MAPRE2: variants seen among roughly 807,000 people sequenced by gnomAD.
MAPRE2 encodes the protein microtubule associated protein RP/EB family member 2.
In MAPRE2, 13 loss-of-function variants were observed where a neutral mutation model predicts 43.2. That is an observed-to-expected ratio of 0.30 (90% CI 0.20 to 0.48). The LOEUF (loss-of-function observed/expected upper bound fraction) is 0.48, where lower values mean the gene tolerates loss of function less well. MAPRE2 is among the 20% of genes least tolerant of loss of function. The probability of loss-of-function intolerance (pLI) is 0.99; values close to 1 mark genes in which losing one functional copy is unlikely to be tolerated. For missense variants in MAPRE2, 161 were observed against 400.2 expected, an observed-to-expected ratio of 0.40 and a Z score of 5.10; for synonymous variants, 135 against 148.8, an observed-to-expected ratio of 0.91 and a Z score of 0.68.
chr18:35,122,996 G>A (rs921535248), intron 4 of MAPRE2, among the ~76,000 whole-genome samples: 1 of 152,230 alleles, frequency 6.6e-6, no homozygotes, highest in Non-Finnish European at 1.5e-5. Context: ...AAGGGGGAGA[G>A]CATCAGTAAC....
At chr18:35,013,655 C>A (rs2150584067) in intron 2 of MAPRE2, among the ~76,000 whole-genome samples, 1 of 152,266 alleles carries the variant, frequency 6.6e-6, no homozygotes, top group East Asian at 1.9e-4. Flanking sequence ...TAACAAATCT[C>A]TCCCTATCCT....
intron 1 of MAPRE2, among the ~76,000 whole-genome samples, chr18:35,051,181 T>G (rs1905917951): frequency 6.6e-6 from 1 of 152,054 alleles, no homozygotes; most frequent in Non-Finnish European, 1.5e-5. Context: ...ACCCCATCTC[T>G]CTCCCTGTCT....
At chr18:35,127,349 C>G in intron 5 of MAPRE2, 1 of 396,492 alleles carries the variant, frequency 2.5e-6, no homozygotes, top group Non-Finnish European at 4.7e-6. Flanking sequence ...CTACCTTCCC[C>G]TCCCCTGCTC....
intron 2 of MAPRE2, among the ~76,000 whole-genome samples, chr18:35,093,287 G>A (rs372231267): frequency 3.5e-4 from 53 of 150,710 alleles, no homozygotes; most frequent in African/African-American, 1.3e-3. Flanking sequence ...CATGGATTTG[G>A]AGAAAGGAGA....
intron 1 of MAPRE2, among the ~76,000 whole-genome samples, chr18:34,985,843 G>A (rs1034888944): frequency 6.7e-6 from 1 of 148,494 alleles, no homozygotes; most frequent in African/African-American, 2.5e-5. Flanking sequence ...GAGAGGTAAA[G>A]TATCTTCCAG....
In MAPRE2 at chr18:35,140,698, CCT is replaced by C. The variant is rs377254659; in HGVS notation, c.*332_*333del. The C allele has an allele frequency of 6.0e-4, 182 of 302,666 alleles. No individual in the cohort carries two copies. The highest frequency in any genetic ancestry group is 3.4e-3 in the African/African-American group (162 of 47,608). The allele number at this position is 302,666 out of a possible 1,614,324, so 18.7% of individuals were successfully genotyped here. A position where few individuals can be genotyped will look rare whatever the true frequency, so the allele number is the denominator to read the frequency against. ...CCACCCCAACACCACTGCCACCACC[CCT>C]CTTTTTATCCTGGTGTGAAACAATG... On this transcript the variant is annotated 3_prime_UTR_variant, in exon 7 of 7. Coordinates refer to ENST00000300249, the MANE Select transcript of MAPRE2 (RefSeq NM_014268.4).
rs78057707 is a variant in MAPRE2, at chr18:35,105,762, TA to T, written c.610+3614del. On this transcript the variant is annotated intron_variant, in intron 4 of 6. Coordinates refer to ENST00000300249, the MANE Select transcript of MAPRE2 (RefSeq NM_014268.4). Reference sequence around the variant, plus strand: ...ATCAATAGAAAGTACAAACCTCAGTTAAAAAAAAAAACTTAAAACCTTACTA... The same window carrying T: ...ATCAATAGAAAGTACAAACCTCAGTTAAAAAAAAAACTTAAAACCTTACTA... Among the ~76,000 whole-genome samples the T allele has an allele frequency of 1.8e-3, 267 of 146,720 alleles. 1 individual carries two copies. Among genetic ancestry groups the T allele is most frequent in the African/African-American group, 5.8e-3 (234 of 40,246 alleles).
rs546235420 is a variant in MAPRE2, at chr18:35,139,230, G to C, written c.910-1065G>C. Among the ~76,000 whole-genome samples the C allele has an allele frequency of 9.2e-5, 14 of 152,320 alleles. No homozygotes were observed. The East Asian group carries it at 2.7e-3, about 29-fold the overall frequency. On this transcript the variant is annotated intron_variant, in intron 6 of 6. Coordinates refer to ENST00000300249, the MANE Select transcript of MAPRE2 (RefSeq NM_014268.4). ...GACAGGGAAGGGCTTGGGCAGTTCA[G>C]TGCTCGGGAGCCAGCGTGCCAGGTG...
intron 2 of MAPRE2, among the ~76,000 whole-genome samples, chr18:35,019,670 A>C (rs141289495): frequency 2.0e-5 from 3 of 152,134 alleles, no homozygotes; most frequent in Admixed American, 6.6e-5. Context: ...TGTAGAGTTG[A>C]CCATTATTTA....
At chr18:35,017,248 T>G (rs2097038971) in intron 2 of MAPRE2, among the ~76,000 whole-genome samples, 2 of 30,386 alleles carry the variant, frequency 6.6e-5, no homozygotes, top group East Asian at 2.2e-3. Flanking sequence ...TTTGTTGTTT[T>G]TTTTTTTTTT....
At position 35,032,857 on chromosome 18, in the gene MAPRE2, AT is replaced by A. The variant is rs1313233696; in HGVS notation, c.-8+27305del. On this transcript the variant is annotated intron_variant, in intron 2 of 7. Transcript: ENST00000413393. Reference sequence around the variant, plus strand: ...ACCTCAAGAGGGGCCTGAAAGTAGGATCAATTCATCTGATGCCTAACAGTTG... The same window carrying A: ...ACCTCAAGAGGGGCCTGAAAGTAGGACAATTCATCTGATGCCTAACAGTTG... Among the ~76,000 whole-genome samples the A allele has an allele frequency of 2.6e-4, 39 of 152,170 alleles. 1 individual carries two copies. The highest frequency in any genetic ancestry group is 8.9e-4 in the African/African-American group (37 of 41,514).
At chr18:34,982,231 T>G (rs963633304) in intron 1 of MAPRE2, among the ~76,000 whole-genome samples, 177 of 152,290 alleles carry the variant, frequency 1.2e-3, no homozygotes, top group Non-Finnish European at 3.5e-4. Context: ...ACCCCAAACA[T>G]GTTGAGCCAT....
chr18:35,107,065 A>C (rs1055161310), intron 4 of MAPRE2, among the ~76,000 whole-genome samples: 2 of 152,190 alleles, frequency 1.3e-5, no homozygotes, highest in African/African-American at 4.8e-5. Context: ...GCAGATTCAC[A>C]TACATTCATG....
upstream of MAPRE2, chr18:35,041,261 G>A: frequency 2.3e-6 from 3 of 1,296,318 alleles, no homozygotes; most frequent in Non-Finnish European, 3.0e-6. Flanking sequence ...GCGTGGTCAC[G>A]CCGCGACCCT....
intron 1 of MAPRE2, among the ~76,000 whole-genome samples, chr18:34,985,269 T>C (rs1457971180): frequency 2.6e-5 from 1 of 38,348 alleles, no homozygotes; most frequent in Non-Finnish European, 4.5e-5. Flanking sequence ...TAATATATTA[T>C]ATAATATAAT....
At chr18:34,983,872 C>T (rs1031120276) in intron 1 of MAPRE2, among the ~76,000 whole-genome samples, 1 of 152,138 alleles carries the variant, frequency 6.6e-6, no homozygotes, top group Non-Finnish European at 1.5e-5. Context: ...TCAAGTGATC[C>T]ACCCGCCTCA....
chr18:34,980,422 T>C (rs879744055), intron 1 of MAPRE2, among the ~76,000 whole-genome samples: 6 of 152,274 alleles, frequency 3.9e-5, no homozygotes, highest in Admixed American at 1.3e-4. Context: ...AGAGCATCTA[T>C]TGTAGCCTGC....
chr18:35,026,164 G>A (rs1240341146), intron 2 of MAPRE2, among the ~76,000 whole-genome samples: 8 of 152,054 alleles, frequency 5.3e-5, no homozygotes, highest in Non-Finnish European at 1.0e-4. Context: ...TGTGAGCAGC[G>A]GGAGAGGAAT....
At chr18:35,016,815 C>T (rs2097038565) in intron 2 of MAPRE2, among the ~76,000 whole-genome samples, 1 of 151,802 alleles carries the variant, frequency 6.6e-6, no homozygotes, top group African/African-American at 2.4e-5. Context: ...TTAATTTGGT[C>T]CCATCATCAA....
Sources: allele counts gnomAD v4.1 joint callset (sites outside exome capture counted in the v4.1 genomes callset), GRCh38; gene constraint gnomAD v4.1.1; transcripts MANE v1.5; gene names NCBI Gene and HGNC (gene_info 2026-07-23, HGNC 2026-07-21).